The following KDM4C variants were observed in gnomAD, a reference collection of about 807,000 sequenced individuals.
The protein encoded by KDM4C is lysine-specific demethylase 4C.
A neutral mutation model predicts 129.3 loss-of-function variants in KDM4C; 81 were observed. The ratio of observed to expected loss-of-function variants is 0.63; its 90% CI spans 0.52 to 0.75. The LOEUF (loss-of-function observed/expected upper bound fraction) is 0.75, where lower values mean the gene tolerates loss of function less well. Ranked by LOEUF, KDM4C falls within the 30% of genes least tolerant of loss-of-function variation. KDM4C has a pLI of 0.00. For synonymous variants in KDM4C, 573 were observed against 456.1 expected, an observed-to-expected ratio of 1.26 and a Z score of -3.26; for missense variants, 1,457 against 1,304.0, an observed-to-expected ratio of 1.12 and a Z score of -1.81.
At chr9:6,890,492 TAAAC>T (rs1845961440) in intron 7 of KDM4C, among the ~76,000 whole-genome samples, 1 of 152,194 alleles carries the variant, frequency 6.6e-6, no homozygotes. Flanking sequence ...ATAAGTGTAA[TAAAC>T]AGCTGATGTC....
At chr9:7,122,285 T>TCTCTCTCTCTC (rs1554752011) in intron 18 of KDM4C, among the ~76,000 whole-genome samples, 2 of 150,886 alleles carry the variant, frequency 1.3e-5, no homozygotes, top group Admixed American at 6.6e-5. Context: ...TCTCTCTCTC[T>TCTCTCTCTCTC]TAAACAGCCA....
intron 8 of KDM4C, among the ~76,000 whole-genome samples, chr9:6,969,365 G>A (rs1438043989): frequency 6.6e-6 from 1 of 152,088 alleles, no homozygotes; most frequent in Non-Finnish European, 1.5e-5. Context: ...ATCTTGGCTG[G>A]TTTAAACAGC....
intron 1 of KDM4C, among the ~76,000 whole-genome samples, chr9:6,724,162 T>A (rs1286091867): frequency 6.6e-6 from 1 of 152,186 alleles, no homozygotes; most frequent in East Asian, 1.9e-4. Flanking sequence ...CAGACTGACC[T>A]CTCATTTGGA....
intron 3 of KDM4C, among the ~76,000 whole-genome samples, chr9:6,808,566 C>G (rs1407270727): frequency 6.7e-6 from 1 of 148,648 alleles, no homozygotes; most frequent in Non-Finnish European, 1.5e-5. Context: ...CGGAAGGCCT[C>G]AGGGTCCTCT....
At chr9:7,152,518 A>G (rs529285923) in intron 19 of KDM4C, among the ~76,000 whole-genome samples, 11 of 152,344 alleles carry the variant, frequency 7.2e-5, no homozygotes, top group African/African-American at 2.6e-4. Context: ...GACAGAAAGG[A>G]GAATGGTGAT....
chr9:6,732,546 C>G (rs992033691), intron 1 of KDM4C, among the ~76,000 whole-genome samples: 6 of 151,822 alleles, frequency 4.0e-5, no homozygotes, highest in African/African-American at 1.4e-4. Context: ...CCGCACCCAG[C>G]CAGAAAGGAA....
chr9:6,747,579 A>G lies in KDM4C; in HGVS notation c.49+26582A>G, dbSNP rs184267362. ...AAAAAAGAATATAGAAATACACATT[A>G]TCTTAGCTTTCAGGGCAATGGAGTT... is the stretch of plus-strand genomic sequence containing the variant. On this transcript the variant is annotated intron_variant, in intron 1 of 17. Coordinates refer to the KDM4C transcript ENST00000536108. Among the ~76,000 whole-genome samples, 156 of 151,570 alleles carry G rather than the reference A, an allele frequency of 1.0e-3. 1 individual carries two copies. Among genetic ancestry groups the G allele is most frequent in the Admixed American group, 9.1e-3 (139 of 15,200 alleles).
chr9:7,007,793 T>TA (rs542251758), intron 12 of KDM4C, among the ~76,000 whole-genome samples: 7 of 152,274 alleles, frequency 4.6e-5, no homozygotes, highest in Admixed American at 4.6e-4. Context: ...CCAGGGAAAA[T>TA]TTAAATTATA....
At chr9:6,791,477 C>G (rs142023632) in intron 1 of KDM4C, among the ~76,000 whole-genome samples, 32 of 152,296 alleles carry the variant, frequency 2.1e-4, no homozygotes, top group Middle Eastern at 3.4e-3. Context: ...GACCTCATCC[C>G]TTTCTGTCTC....
chr9:6,925,594 G>A (rs1051721025), intron 8 of KDM4C: 7 of 985,262 alleles, frequency 7.1e-6, no homozygotes, highest in African/African-American at 7.0e-5. Flanking sequence ...TGCCTGGGCA[G>A]ACCCTCAGTT....
intron 3 of KDM4C, among the ~76,000 whole-genome samples, chr9:6,810,536 A>G (rs1032894389): frequency 1.3e-5 from 2 of 152,152 alleles, no homozygotes; most frequent in Non-Finnish European, 1.5e-5. Context: ...ATTATGGGAA[A>G]TTATTTGAAA....
At chr9:6,874,577 T>A (rs1410966888) in intron 5 of KDM4C, among the ~76,000 whole-genome samples, 1 of 152,360 alleles carries the variant, frequency 6.6e-6, no homozygotes, top group Admixed American at 6.5e-5. Flanking sequence ...GATGACTTTT[T>A]TTGTGGCAGC....
chr9:6,962,676 G>A (rs1048101255), intron 8 of KDM4C, among the ~76,000 whole-genome samples: 3 of 152,066 alleles, frequency 2.0e-5, no homozygotes, highest in African/African-American at 7.2e-5. Context: ...GACATCAGCT[G>A]TAATGACTGT....
At chr9:6,900,521 G>A (rs1418438850) in intron 8 of KDM4C, among the ~76,000 whole-genome samples, 1 of 152,226 alleles carries the variant, frequency 6.6e-6, no homozygotes, top group Non-Finnish European at 1.5e-5. Context: ...TGTCATCCCA[G>A]CACTTTGGGA....
intron 1 of KDM4C, among the ~76,000 whole-genome samples, chr9:6,766,043 C>A (rs180916449): frequency 6.6e-6 from 1 of 152,280 alleles, no homozygotes; most frequent in Admixed American, 6.5e-5. Flanking sequence ...CCCACCTCAG[C>A]CTCCCAAAGT....
rs376236337 is a variant in KDM4C, at chr9:7,002,558, G to A, written c.1787-9140G>A. On this transcript the variant is annotated intron_variant, in intron 12 of 21. Coordinates refer to ENST00000381309, the MANE Select transcript of KDM4C (RefSeq NM_015061.6). ...TCACCTATCTTTGATTTGATGCTCAGAATATGTTCCTTCTGGTGCCATGTT... is the reference window on the plus strand; with the variant it reads ...TCACCTATCTTTGATTTGATGCTCAAAATATGTTCCTTCTGGTGCCATGTT... Among the ~76,000 whole-genome samples, 119 of 152,264 alleles carry A rather than the reference G, an allele frequency of 7.8e-4. 4 individuals carry two copies. In the South Asian group the frequency reaches 0.024, roughly 31 times the overall value.
chr9:6,762,017 C>G (rs1819644806), intron 1 of KDM4C, among the ~76,000 whole-genome samples: 1 of 151,936 alleles, frequency 6.6e-6, no homozygotes, highest in Non-Finnish European at 1.5e-5. Flanking sequence ...CCAGGATGGT[C>G]TCGATCTCCT....
intron 8 of KDM4C, among the ~76,000 whole-genome samples, chr9:6,954,184 T>C (rs1218885551): frequency 1.3e-5 from 2 of 152,234 alleles, no homozygotes; most frequent in African/African-American, 4.8e-5. Flanking sequence ...ATTCTGATCC[T>C]ATATATCTTT....
At chr9:6,925,730 C>A in intron 8 of KDM4C, 2 of 641,306 alleles carry the variant, frequency 3.1e-6, no homozygotes, top group Non-Finnish European at 3.9e-6. Flanking sequence ...GCCCTCTCAG[C>A]TGACATGTGA....
Sources: gnomAD v4.1 joint callset for allele counts (sites outside exome capture counted in the v4.1 genomes callset) on GRCh38, gnomAD v4.1.1 for gene constraint, MANE v1.5 for transcripts, NCBI Gene and HGNC (gene_info 2026-07-23, HGNC 2026-07-21) for gene names.